LRMDA: variants seen among roughly 807,000 people sequenced by gnomAD.
The protein encoded by LRMDA is leucine-rich melanocyte differentiation-associated protein.
Under a neutral mutation model 29.8 loss-of-function variants are expected in LRMDA, and 18 were observed. The observed-to-expected ratio is 0.60, with a 90% confidence interval of 0.42 to 0.90. The LOEUF is 0.90. LRMDA is among the 40% of genes least tolerant of loss of function. The probability of loss-of-function intolerance (pLI) is 0.00; values close to 1 mark genes in which losing one functional copy is unlikely to be tolerated. For synonymous variants in LRMDA, 125 were observed against 109.4 expected, an observed-to-expected ratio of 1.14 and a Z score of -0.89; for missense variants, 273 against 273.9, an observed-to-expected ratio of 1.00 and a Z score of 0.02.
intron 6 of LRMDA, among the ~76,000 whole-genome samples, chr10:76,330,381 T>A (rs1840890087): frequency 6.6e-6 from 1 of 152,164 alleles, no homozygotes; most frequent in Non-Finnish European, 1.5e-5. Context: ...GGGAATAGAT[T>A]GAGGGGAAAC....
intron 6 of LRMDA, among the ~76,000 whole-genome samples, chr10:76,503,583 C>A (rs2132344787): frequency 6.6e-6 from 1 of 151,708 alleles, no homozygotes; most frequent in African/African-American, 2.4e-5. Flanking sequence ...CGAATTTATC[C>A]ATTTCCTGTA....
At chr10:75,431,825 C>A in intron 1 of LRMDA, 71 bp downstream of exon 1, 1 of 1,261,796 alleles carries the variant, frequency 7.9e-7, no homozygotes, top group Non-Finnish European at 1.0e-6. Context: ...GGCACAGAGG[C>A]TCCCCAGGGC....
At chr10:75,715,232 C>G (rs1333342232) in intron 2 of LRMDA, among the ~76,000 whole-genome samples, 1 of 152,144 alleles carries the variant, frequency 6.6e-6, no homozygotes, top group Non-Finnish European at 1.5e-5. Context: ...ATCTCTTGGA[C>G]TTTTCAGTCT....
intron 2 of LRMDA, among the ~76,000 whole-genome samples, chr10:75,774,044 A>G (rs1843276987): frequency 6.6e-6 from 1 of 152,230 alleles, no homozygotes; most frequent in Non-Finnish European, 1.5e-5. Flanking sequence ...TAAGTGAATC[A>G]GAGTAAATGG....
chr10:75,953,253 T>A (rs1589265122), intron 2 of LRMDA, among the ~76,000 whole-genome samples: 1 of 151,904 alleles, frequency 6.6e-6, no homozygotes, highest in South Asian at 2.1e-4. Context: ...GTTTTTAAAA[T>A]TTTTTATAGA....
intron 2 of LRMDA, among the ~76,000 whole-genome samples, chr10:75,659,907 C>A (rs1841728665): frequency 6.6e-6 from 1 of 152,162 alleles, no homozygotes; most frequent in Non-Finnish European, 1.5e-5. Flanking sequence ...TCCATCATTG[C>A]CCTATGATTT....
At chr10:75,712,962 C>T (rs1388790866) in intron 2 of LRMDA, among the ~76,000 whole-genome samples, 2 of 152,094 alleles carry the variant, frequency 1.3e-5, no homozygotes, top group Admixed American at 6.5e-5. Flanking sequence ...TTATTGTTGC[C>T]TTGGTATAGC....
chr10:76,237,981 G>A (rs998606108), intron 5 of LRMDA, among the ~76,000 whole-genome samples: 2 of 151,816 alleles, frequency 1.3e-5, no homozygotes, highest in African/African-American at 4.8e-5. Flanking sequence ...AGTAGAGATG[G>A]GGTTTTGCCA....
chr10:75,679,918 C>A (rs1042613523), intron 2 of LRMDA, among the ~76,000 whole-genome samples: 10 of 151,946 alleles, frequency 6.6e-5, no homozygotes, highest in Non-Finnish European at 1.0e-4. Flanking sequence ...AAAAAAAAAA[C>A]CCTTAAATTA....
intron 6 of LRMDA, among the ~76,000 whole-genome samples, chr10:76,360,360 C>T (rs1841296355): frequency 6.6e-6 from 1 of 152,114 alleles, no homozygotes; most frequent in Non-Finnish European, 1.5e-5. Context: ...ACCTGAGGAG[C>T]TCTGCTGCCA....
At chr10:75,523,637 G>A (rs1452831163) in intron 2 of LRMDA, among the ~76,000 whole-genome samples, 2 of 152,146 alleles carry the variant, frequency 1.3e-5, no homozygotes, top group African/African-American at 2.4e-5. Context: ...TTTTGAAAAC[G>A]AAAGAGGGAG....
At chr10:75,529,314 T>C (rs935239503) in intron 2 of LRMDA, among the ~76,000 whole-genome samples, 3 of 152,184 alleles carry the variant, frequency 2.0e-5, no homozygotes, top group African/African-American at 7.2e-5. Flanking sequence ...GAGCAACACC[T>C]TCAGAATTCT....
chr10:75,497,401 C>T (rs1179657329), intron 2 of LRMDA, among the ~76,000 whole-genome samples: 1 of 151,996 alleles, frequency 6.6e-6, no homozygotes, highest in Admixed American at 6.6e-5. Context: ...TAGTAAGTTA[C>T]AGACATCAGT....
intron 2 of LRMDA, among the ~76,000 whole-genome samples, chr10:75,813,342 G>A (rs146409351): frequency 1.2e-3 from 182 of 152,320 alleles, no homozygotes; most frequent in African/African-American, 4.2e-3. Flanking sequence ...CCAGACCAGA[G>A]TTTCTTGAAG....
At position 75,816,088 on chromosome 10, in the gene LRMDA, G is replaced by A. The variant is rs1322289571; in HGVS notation, c.132-219920G>A. ...GATCTTTCATGTGACATCATTGGAG[G>A]AGGTACCGGTCAGTGTCATCTATCC... On this transcript the variant is annotated intron_variant, in intron 2 of 6. Transcript: ENST00000611255. Among the ~76,000 whole-genome samples the A allele has an allele frequency of 3.9e-5, 6 of 152,320 alleles. No homozygotes were observed. The East Asian group carries it at 1.2e-3, about 29-fold the overall frequency.
At chr10:76,513,754 C>T (rs1843032083) in intron 6 of LRMDA, among the ~76,000 whole-genome samples, 1 of 152,070 alleles carries the variant, frequency 6.6e-6, no homozygotes, top group African/African-American at 2.4e-5. Flanking sequence ...GCTTTGGCAG[C>T]CATGGATACT....
intron 2 of LRMDA, among the ~76,000 whole-genome samples, chr10:75,722,301 C>T (rs887437815): frequency 3.3e-5 from 5 of 152,142 alleles, no homozygotes; most frequent in African/African-American, 9.7e-5. Flanking sequence ...GAATAAAATT[C>T]TGTCTCCTAA....
intron 6 of LRMDA, among the ~76,000 whole-genome samples, chr10:76,329,755 C>T (rs2146283): frequency 4.3e-3 from 654 of 152,214 alleles, no homozygotes; most frequent in Non-Finnish European, 6.9e-3. Flanking sequence ...GCATTTTATG[C>T]TTAGCAATTG....
At chr10:75,717,530 G>A (rs2132184009) in intron 2 of LRMDA, among the ~76,000 whole-genome samples, 2 of 152,316 alleles carry the variant, frequency 1.3e-5, no homozygotes, top group Middle Eastern at 6.8e-3. Context: ...ATTTCCTGCT[G>A]CAGCTTGTCT....
Sources: allele counts gnomAD v4.1 joint callset (sites outside exome capture counted in the v4.1 genomes callset), GRCh38; gene constraint gnomAD v4.1.1; transcripts MANE v1.5; gene names NCBI Gene and HGNC (gene_info 2026-07-23, HGNC 2026-07-21).